The following TNR variants were observed in gnomAD, a reference collection of about 807,000 sequenced individuals.
The protein encoded by TNR is tenascin R, also known as tenascin-R.
In TNR, 45 loss-of-function variants were observed where a neutral mutation model predicts 150.4. That is an observed-to-expected ratio of 0.30 (90% CI 0.24 to 0.38). The LOEUF is 0.38. TNR is among the 10% of genes least tolerant of loss of function. The pLI is 1.00. For missense variants in TNR, 1,544 were observed against 1,759.1 expected (o/e 0.88, Z 2.19); for synonymous variants, 687 against 678.4 (o/e 1.01, Z -0.20).
At chr1:175,658,633 G>A (rs1421926470) in intron 1 of TNR, among the ~76,000 whole-genome samples, 1 of 152,196 alleles carries the variant, frequency 6.6e-6, no homozygotes, top group Non-Finnish European at 1.5e-5. Flanking sequence ...TCATGATCTG[G>A]CAATATATCT....
At chr1:175,327,543 C>G (rs532045618) in intron 21 of TNR, among the ~76,000 whole-genome samples, 1 of 152,248 alleles carries the variant, frequency 6.6e-6, no homozygotes, top group South Asian at 2.1e-4. Flanking sequence ...CCCTCCAGTG[C>G]TACCATGTTA....
chr1:175,592,762 C>A (rs1366954061), intron 1 of TNR, among the ~76,000 whole-genome samples: 1 of 152,226 alleles, frequency 6.6e-6, no homozygotes, highest in Non-Finnish European at 1.5e-5. Flanking sequence ...ATGAAGAGGG[C>A]CCAGCCTCCA....
intron 1 of TNR, among the ~76,000 whole-genome samples, chr1:175,534,768 C>A (rs1660204167): frequency 6.6e-6 from 1 of 152,262 alleles, no homozygotes; most frequent in African/African-American, 2.4e-5. Flanking sequence ...TATGGTTTGG[C>A]TCTGTGTCCC....
chr1:175,567,258 T>C (rs1661681029), intron 1 of TNR, among the ~76,000 whole-genome samples: 1 of 152,178 alleles, frequency 6.6e-6, no homozygotes. Context: ...GATGTATGCA[T>C]TGGAAAAGGA....
At chr1:175,573,965 T>C (rs1661993139) in intron 1 of TNR, among the ~76,000 whole-genome samples, 1 of 152,342 alleles carries the variant, frequency 6.6e-6, no homozygotes, top group Middle Eastern at 3.4e-3. Context: ...TCCCATTTCC[T>C]GCATATGGGA....
intron 2 of TNR, among the ~76,000 whole-genome samples, chr1:175,490,053 T>C (rs965111537): frequency 6.6e-6 from 1 of 152,132 alleles, no homozygotes; most frequent in South Asian, 2.1e-4. Flanking sequence ...AAAATAGAGA[T>C]CTCAGAAATA....
intron 2 of TNR, among the ~76,000 whole-genome samples, chr1:175,417,007 C>G (rs536101148): frequency 0.043 from 748 of 17,388 alleles, 8 homozygotes; most frequent in African/African-American, 0.16. Flanking sequence ...GACTCCATCT[C>G]AAAAAAAGAA....
At chr1:175,724,116 G>A (rs1667413709) in intron 1 of TNR, among the ~76,000 whole-genome samples, 1 of 152,120 alleles carries the variant, frequency 6.6e-6, no homozygotes, top group Non-Finnish European at 1.5e-5. Flanking sequence ...GTGGAGATGA[G>A]GGTTTGCGAT....
intron 1 of TNR, among the ~76,000 whole-genome samples, chr1:175,609,304 T>C (rs1663520006): frequency 6.6e-6 from 1 of 152,186 alleles, no homozygotes; most frequent in African/African-American, 2.4e-5. Flanking sequence ...TATACATATA[T>C]ACATCAAGCA....
At chr1:175,653,968 A>G (rs1665094790) in intron 1 of TNR, among the ~76,000 whole-genome samples, 1 of 152,196 alleles carries the variant, frequency 6.6e-6, no homozygotes, top group Non-Finnish European at 1.5e-5. Context: ...AAAGTAATTT[A>G]ACATTAGGGG....
intron 1 of TNR, among the ~76,000 whole-genome samples, chr1:175,577,985 T>C (rs1662191165): frequency 6.6e-6 from 1 of 152,166 alleles, no homozygotes; most frequent in Non-Finnish European, 1.5e-5. Flanking sequence ...TCCTCTGTAA[T>C]ATAAGGAGGA....
At chr1:175,432,475 C>A (rs1166423921) in intron 2 of TNR, among the ~76,000 whole-genome samples, 4 of 152,178 alleles carry the variant, frequency 2.6e-5, no homozygotes, top group African/African-American at 4.8e-5. Context: ...CCCGGTAACA[C>A]CTGCATTACA....
At chr1:175,331,050 T>TTCCTTCCTTCC (rs1649781550) in intron 20 of TNR, among the ~76,000 whole-genome samples, 2 of 95,762 alleles carry the variant, frequency 2.1e-5, no homozygotes, top group African/African-American at 8.3e-5. Context: ...TCTTTCTTTC[T>TTCCTTCCTTCC]TTCTTTCTTT....
At chr1:175,381,333 AGTG>A (rs1652669107) in intron 8 of TNR, among the ~76,000 whole-genome samples, 2 of 152,230 alleles carry the variant, frequency 1.3e-5, no homozygotes, top group African/African-American at 4.8e-5. Context: ...ACTTCTACCT[AGTG>A]CTCTTCACAA....
intron 1 of TNR, among the ~76,000 whole-genome samples, chr1:175,714,917 C>A (rs1667114036): frequency 6.6e-6 from 1 of 152,212 alleles, no homozygotes. Flanking sequence ...AGGGGAGAGG[C>A]AGTCCCCAAA....
intron 1 of TNR, among the ~76,000 whole-genome samples, chr1:175,712,550 C>G (rs1667047048): frequency 6.6e-6 from 1 of 152,016 alleles, no homozygotes; most frequent in Non-Finnish European, 1.5e-5. Context: ...TGATCCTGCC[C>G]AAATCTCATA....
chr1:175,616,332 G>A (rs182485603), intron 1 of TNR, among the ~76,000 whole-genome samples: 2 of 152,260 alleles, frequency 1.3e-5, no homozygotes, highest in African/African-American at 4.8e-5. Context: ...AGGCATTACA[G>A]CCCTCAGGAG....
chr1:175,401,616 C>T (rs1653705180), intron 4 of TNR, among the ~76,000 whole-genome samples: 1 of 152,034 alleles, frequency 6.6e-6, no homozygotes, highest in South Asian at 2.1e-4. Context: ...AAGCACAGTG[C>T]ATTATTGTTG....
chr1:175,354,331 CTGA>C, intron 18 of TNR, 57 bp downstream of exon 18: 1 of 1,591,946 alleles, frequency 6.3e-7, no homozygotes, highest in Non-Finnish European at 8.6e-7. Flanking sequence ...GCAGAGGCTG[CTGA>C]TGAGCCAAAC....
Sources: gnomAD v4.1 joint callset for allele counts (sites outside exome capture counted in the v4.1 genomes callset) on GRCh38, gnomAD v4.1.1 for gene constraint, MANE v1.5 for transcripts, NCBI Gene and HGNC (gene_info 2026-07-23, HGNC 2026-07-21) for gene names.